Variants in GRIN2A observed in about 807,000 individuals in gnomAD.
GRIN2A encodes the protein glutamate ionotropic receptor NMDA type subunit 2A.
A neutral mutation model predicts 113.4 loss-of-function variants in GRIN2A; 22 were observed. The ratio of observed to expected loss-of-function variants is 0.19; its 90% CI spans 0.14 to 0.28. The LOEUF is 0.28. Ranked by LOEUF, GRIN2A falls within the 10% of genes least tolerant of loss-of-function variation. The pLI is 1.00. For synonymous variants in GRIN2A, 827 were observed against 738.4 expected, an observed-to-expected ratio of 1.12 and a Z score of -1.94; for missense variants, 1,502 against 1,887.0, an observed-to-expected ratio of 0.80 and a Z score of 3.78.
chr16:10,159,480 G>A (rs2049769158), intron 2 of GRIN2A, among the ~76,000 whole-genome samples: 1 of 152,198 alleles, frequency 6.6e-6, no homozygotes, highest in Admixed American at 6.5e-5. Context: ...GAGAAGAGGA[G>A]CTGATGGGAT....
intron 2 of GRIN2A, among the ~76,000 whole-genome samples, chr16:10,162,039 A>G (rs1298091625): frequency 6.6e-6 from 1 of 152,184 alleles, no homozygotes; most frequent in East Asian, 1.9e-4. Context: ...GGTTCCAGGA[A>G]TTAGAATGTG....
At chr16:9,865,101 T>C (rs923982398) in intron 4 of GRIN2A, among the ~76,000 whole-genome samples, 1 of 152,194 alleles carries the variant, frequency 6.6e-6, no homozygotes, top group African/African-American at 2.4e-5. Context: ...CTCTAAAGTA[T>C]TCCAACAAGA....
At chr16:10,140,092 A>T (rs1567327731) in intron 2 of GRIN2A, among the ~76,000 whole-genome samples, 1 of 152,236 alleles carries the variant, frequency 6.6e-6, no homozygotes, top group Admixed American at 6.5e-5. Flanking sequence ...AGGCAAGATT[A>T]AAGAAATATT....
At chr16:9,985,452 C>A (rs535260063) in intron 2 of GRIN2A, among the ~76,000 whole-genome samples, 1 of 152,146 alleles carries the variant, frequency 6.6e-6, no homozygotes, top group East Asian at 1.9e-4. Context: ...TAAATGTCAA[C>A]AGACAAATGG....
At chr16:9,825,982 G>A (rs1409871147) in intron 9 of GRIN2A, among the ~76,000 whole-genome samples, 3 of 150,882 alleles carry the variant, frequency 2.0e-5, no homozygotes, top group African/African-American at 7.3e-5. Context: ...AGGAGGAGAA[G>A]GGAGACAAAG....
intron 2 of GRIN2A, among the ~76,000 whole-genome samples, chr16:10,051,197 A>G (rs1412815354): frequency 6.6e-6 from 1 of 152,172 alleles, no homozygotes; most frequent in Admixed American, 6.5e-5. Context: ...TTGGTGCTAT[A>G]AGGTCATGAC....
rs1748647090 is a variant in GRIN2A at position 9,979,787 on chromosome 16, A to ATATATATATATATATATATATATG, written c.415-41237_415-41236insCATATATATATATATATATATATA. On this transcript the variant is annotated intron_variant, in intron 2 of 12. Transcript: ENST00000330684. ...TATACATATAAGGGACTATGGGACTATATATATATATATATATATATATAT... is the reference window on the plus strand; with the variant it reads ...TATACATATAAGGGACTATGGGACTATATATATATATATATATATATATGTATATATATATATATATATATATAT... Among the ~76,000 whole-genome samples, 5 of 22,258 alleles carry ATATATATATATATATATATATATG rather than the reference A, an allele frequency of 2.2e-4. 1 individual carries two copies. The South Asian group carries it at 6.3e-3, about 28-fold the overall frequency. 14.6% of individuals were successfully genotyped at this position (22,258 alleles called of 152,430 possible). A position where few individuals can be genotyped will look rare whatever the true frequency, so the allele number is the denominator to read the frequency against.
At chr16:9,990,533 C>T (rs1315560149) in intron 2 of GRIN2A, among the ~76,000 whole-genome samples, 1 of 146,654 alleles carries the variant, frequency 6.8e-6, no homozygotes, top group Non-Finnish European at 1.5e-5. Flanking sequence ...CCCCCTGAAT[C>T]TCTCTCTCTA....
intron 4 of GRIN2A, among the ~76,000 whole-genome samples, chr16:9,884,690 C>T (rs2141464744): frequency 6.6e-6 from 1 of 151,502 alleles, no homozygotes; most frequent in East Asian, 1.9e-4. Flanking sequence ...AGGCTCAACT[C>T]CAATACCTCT....
At chr16:9,835,364 C>T (rs2042568202) in intron 7 of GRIN2A, among the ~76,000 whole-genome samples, 1 of 152,126 alleles carries the variant, frequency 6.6e-6, no homozygotes, top group South Asian at 2.1e-4. Flanking sequence ...CTTAGAAGGG[C>T]AGGCCAAGTC....
chr16:9,864,354 T>A (rs1321583002), intron 4 of GRIN2A, among the ~76,000 whole-genome samples: 2 of 152,206 alleles, frequency 1.3e-5, no homozygotes, highest in East Asian at 3.8e-4. Flanking sequence ...TTTATTGTGA[T>A]AATCAATTCA....
At chr16:9,818,879 T>G (rs1274908554) in intron 10 of GRIN2A, among the ~76,000 whole-genome samples, 2 of 152,210 alleles carry the variant, frequency 1.3e-5, no homozygotes, top group Non-Finnish European at 2.9e-5. Context: ...TTTCAAGAAA[T>G]TTATTCTACA....
intron 2 of GRIN2A, among the ~76,000 whole-genome samples, chr16:10,174,577 G>T (rs1006900240): frequency 6.6e-6 from 1 of 152,068 alleles, no homozygotes; most frequent in Non-Finnish European, 1.5e-5. Flanking sequence ...ACAGGGGAGG[G>T]AGTTACATGC....
At chr16:10,118,922 A>G (rs4782263) in intron 2 of GRIN2A, among the ~76,000 whole-genome samples, 128,480 of 152,100 alleles carry the variant, frequency 0.84, 55,031 homozygotes, top group East Asian at 0.92. Context: ...CAGGACTCTT[A>G]AGAAAGGGGC....
At chr16:9,912,272 T>C (rs79988738) in intron 3 of GRIN2A, among the ~76,000 whole-genome samples, 2,470 of 152,034 alleles carry the variant, frequency 0.016, 33 homozygotes, top group Non-Finnish European at 0.023. Context: ...TTGATAGCAA[T>C]GGTGGTAGTG....
chr16:10,140,303 G>A (rs1056297757), intron 2 of GRIN2A, among the ~76,000 whole-genome samples: 12 of 152,004 alleles, frequency 7.9e-5, no homozygotes, highest in Non-Finnish European at 1.0e-4. Context: ...ATAAAAAGCC[G>A]CAGGATAAGA....
intron 2 of GRIN2A, among the ~76,000 whole-genome samples, chr16:10,133,779 C>T (rs1385855770): frequency 6.6e-6 from 1 of 152,066 alleles, no homozygotes; most frequent in Non-Finnish European, 1.5e-5. Flanking sequence ...TTATCTGCTC[C>T]CCAGATGCAA....
intron 2 of GRIN2A, among the ~76,000 whole-genome samples, chr16:9,973,801 TTC>T (rs898458481): frequency 3.3e-5 from 5 of 152,062 alleles, no homozygotes; most frequent in African/African-American, 9.7e-5. Context: ...AAAAAACAAA[TTC>T]TATAATTAGT....
chr16:10,089,460 C>T (rs533378283), intron 2 of GRIN2A, among the ~76,000 whole-genome samples: 11 of 152,016 alleles, frequency 7.2e-5, no homozygotes, highest in South Asian at 2.1e-4. Context: ...GTGTTACCAA[C>T]GAGAAGCATA....
Sources: gnomAD v4.1 joint callset for allele counts (sites outside exome capture counted in the v4.1 genomes callset) on GRCh38, gnomAD v4.1.1 for gene constraint, MANE v1.5 for transcripts, NCBI Gene and HGNC (gene_info 2026-07-23, HGNC 2026-07-21) for gene names.